The following DACH2 variants were observed in gnomAD, a reference collection of about 807,000 sequenced individuals.
DACH2 encodes dachshund family transcription factor 2.
Under a neutral mutation model 35.8 loss-of-function variants are expected in DACH2, and 17 were observed. The ratio of observed to expected loss-of-function variants is 0.48; its 90% CI spans 0.33 to 0.71. DACH2 has a LOEUF of 0.71. DACH2 is among the 30% of genes least tolerant of loss of function. The pLI is 0.02. For missense variants in DACH2, 469 were observed against 472.7 expected (o/e 0.99, Z 0.07); for synonymous variants, 195 against 177.3 (o/e 1.10, Z -0.79).
At chrX:86,185,168 TTTC>T (rs751953921) in intron 1 of DACH2, among the ~76,000 whole-genome samples, 3 of 111,852 alleles carry the variant, frequency 2.7e-5, no homozygotes, top group Non-Finnish European at 3.8e-5. Context: ...CTGTTTTATC[TTTC>T]TCTTTAATAA....
chrX:86,543,861 G>T (rs188502959), intron 3 of DACH2, among the ~76,000 whole-genome samples: 19 of 102,592 alleles, frequency 1.9e-4, no homozygotes, highest in Admixed American at 1.8e-3. Context: ...GGGAGGGATA[G>T]CATTGGGAGA....
At chrX:86,628,537 T>G (rs755131796) in intron 3 of DACH2, among the ~76,000 whole-genome samples, 34 of 112,897 alleles carry the variant, frequency 3.0e-4, no homozygotes, top group African/African-American at 9.9e-4. Flanking sequence ...TTAATTATCA[T>G]AAATATGTTG....
At chrX:86,385,029 T>G (rs746236944) in intron 2 of DACH2, among the ~76,000 whole-genome samples, 4 of 111,846 alleles carry the variant, frequency 3.6e-5, no homozygotes, top group Middle Eastern at 4.6e-3. Flanking sequence ...CATTTGAACA[T>G]TTTTATTTCA....
At position 86,405,630 on chromosome X, in the gene DACH2, C is replaced by T. The variant is rs151224075; in HGVS notation, c.527+28768C>T. 4.3e-3 allele frequency among the ~76,000 whole-genome samples: 481 copies of T among 111,517 alleles called. 1 individual carries two copies. The highest frequency in any genetic ancestry group is 0.015 in the African/African-American group (445 of 30,599). On this transcript the variant is annotated intron_variant, in intron 2 of 11. Transcript: ENST00000373125. Reference sequence around the variant, plus strand: ...GAAGTTCCAAACTTTCCCACATTTCCCTGTCTTCTTCTGACCCCTCAAAAC... The same window carrying T: ...GAAGTTCCAAACTTTCCCACATTTCTCTGTCTTCTTCTGACCCCTCAAAAC...
At chrX:86,264,384 A>C (rs886101057) in intron 1 of DACH2, among the ~76,000 whole-genome samples, 16 of 112,103 alleles carry the variant, frequency 1.4e-4, no homozygotes, top group African/African-American at 4.9e-4. Context: ...ACATATTTGC[A>C]TACACTTATT....
At chrX:86,775,986 G>A (rs188633159) in intron 7 of DACH2, among the ~76,000 whole-genome samples, 2 of 111,518 alleles carry the variant, frequency 1.8e-5, no homozygotes, top group African/African-American at 6.5e-5. Context: ...CACTCAGTAA[G>A]TGGTGGAAAC....
intron 3 of DACH2, among the ~76,000 whole-genome samples, chrX:86,630,723 C>T (rs2040191025): frequency 1.8e-5 from 2 of 108,869 alleles, no homozygotes; most frequent in African/African-American, 3.4e-5. Flanking sequence ...CTGAGTCTTG[C>T]TCTGTCGCCC....
chrX:86,610,600 C>T (rs1370996032), intron 3 of DACH2, among the ~76,000 whole-genome samples: 2 of 108,329 alleles, frequency 1.8e-5, no homozygotes, highest in Non-Finnish European at 3.8e-5. Context: ...CAAGTGCAGA[C>T]CAAGCTCAGT....
intron 7 of DACH2, among the ~76,000 whole-genome samples, chrX:86,779,710 T>C (rs991481289): frequency 5.4e-5 from 6 of 111,531 alleles, no homozygotes; most frequent in African/African-American, 1.6e-4. Flanking sequence ...AGTGGCCTGA[T>C]TCTGGATATA....
intron 1 of DACH2, among the ~76,000 whole-genome samples, chrX:86,288,026 C>G (rs749872031): frequency 1.8e-5 from 2 of 111,486 alleles, no homozygotes; most frequent in African/African-American, 3.3e-5. Context: ...TGTACCTATC[C>G]TTCTTGTGAT....
intron 1 of DACH2, among the ~76,000 whole-genome samples, chrX:86,277,467 T>A (rs957319586): frequency 8.9e-6 from 1 of 112,449 alleles, no homozygotes; most frequent in Non-Finnish European, 1.9e-5. Context: ...TTGCTTTATT[T>A]TTTTTGCTAA....
intron 1 of DACH2, among the ~76,000 whole-genome samples, chrX:86,343,985 G>A (rs2035456272): frequency 9.1e-6 from 1 of 109,913 alleles, no homozygotes; most frequent in Non-Finnish European, 1.9e-5. Flanking sequence ...TACTGAATAA[G>A]ACCTACTACT....
intron 7 of DACH2, among the ~76,000 whole-genome samples, chrX:86,769,619 C>T (rs189173463): frequency 1.8e-5 from 2 of 111,648 alleles, no homozygotes; most frequent in East Asian, 5.6e-4. Flanking sequence ...TATAATATTA[C>T]TTTATACTTT....
intron 1 of DACH2, among the ~76,000 whole-genome samples, chrX:86,331,013 T>C (rs1355418168): frequency 1.8e-5 from 2 of 111,461 alleles, no homozygotes; most frequent in Non-Finnish European, 3.8e-5. Flanking sequence ...TTCATTGTTA[T>C]TTGGGGAAAA....
intron 6 of DACH2, among the ~76,000 whole-genome samples, chrX:86,734,575 T>C (rs1223273648): frequency 9.0e-6 from 1 of 111,703 alleles, no homozygotes; most frequent in Non-Finnish European, 1.9e-5. Flanking sequence ...TTCCATTTTT[T>C]AAGTTTATGA....
intron 3 of DACH2, among the ~76,000 whole-genome samples, chrX:86,646,755 C>T (rs182803382): frequency 5.5e-5 from 6 of 109,383 alleles, no homozygotes; most frequent in Admixed American, 4.9e-4. Context: ...AAAAAATAAA[C>T]GCTAAAAGCC....
intron 7 of DACH2, among the ~76,000 whole-genome samples, chrX:86,768,208 T>C (rs977360318): frequency 8.9e-6 from 1 of 111,739 alleles, no homozygotes; most frequent in Non-Finnish European, 1.9e-5. Flanking sequence ...CTGTGTTTTC[T>C]GTGAAAATTG....
chrX:86,454,032 T>C (rs2037429917), intron 2 of DACH2, among the ~76,000 whole-genome samples: 1 of 111,545 alleles, frequency 9.0e-6, no homozygotes, highest in Non-Finnish European at 1.9e-5. Flanking sequence ...CTCCTTTGCT[T>C]ATGAAGCTTA....
chrX:86,257,795 AT>A (rs1569319221), intron 1 of DACH2, among the ~76,000 whole-genome samples: 2 of 112,255 alleles, frequency 1.8e-5, no homozygotes, highest in East Asian at 5.6e-4. Context: ...CAATAACTAT[AT>A]AAAAATATTG....
Sources: allele counts gnomAD v4.1 joint callset (sites outside exome capture counted in the v4.1 genomes callset), GRCh38; gene constraint gnomAD v4.1.1; transcripts MANE v1.5; gene names NCBI Gene and HGNC (gene_info 2026-07-23, HGNC 2026-07-21).